The following PBX3 variants were observed in gnomAD, a reference collection of about 807,000 sequenced individuals.
PBX3 encodes pre-B-cell leukemia transcription factor 3.
A neutral mutation model predicts 48.5 loss-of-function variants in PBX3; 14 were observed. The observed-to-expected ratio is 0.29, with a 90% CI of 0.19 to 0.45. PBX3 has a LOEUF of 0.45. Ranked by LOEUF, PBX3 falls within the 20% of genes least tolerant of loss-of-function variation. The pLI, the probability that PBX3 is intolerant of heterozygous loss-of-function variation, is 1.00. For synonymous variants in PBX3, 210 were observed against 200.3 expected, an observed-to-expected ratio of 1.05 and a Z score of -0.41; for missense variants, 386 against 546.7, an observed-to-expected ratio of 0.71 and a Z score of 2.93.
At chr9:125,780,437 C>T (rs1274129973) in intron 2 of PBX3, among the ~76,000 whole-genome samples, 1 of 126,412 alleles carries the variant, frequency 7.9e-6, no homozygotes. Flanking sequence ...ACCTCCCTCC[C>T]AGACGGGGCG....
At chr9:125,775,980 G>A (rs1370570881) in intron 2 of PBX3, among the ~76,000 whole-genome samples, 2 of 152,166 alleles carry the variant, frequency 1.3e-5, no homozygotes, top group Non-Finnish European at 2.9e-5. Context: ...GACTCTAGCA[G>A]GTTTTTTGGT....
At chr9:125,756,131 A>G (rs1050283910) in intron 2 of PBX3, among the ~76,000 whole-genome samples, 4 of 152,150 alleles carry the variant, frequency 2.6e-5, no homozygotes, top group Non-Finnish European at 5.9e-5. Flanking sequence ...ACTTGAATCC[A>G]TAAAAGCTGT....
chr9:125,887,953 A>G (rs1235778392), intron 2 of PBX3, among the ~76,000 whole-genome samples: 1 of 152,180 alleles, frequency 6.6e-6, no homozygotes, highest in Non-Finnish European at 1.5e-5. Context: ...GTGAATTCTC[A>G]TTTCTTAAGT....
intron 2 of PBX3, among the ~76,000 whole-genome samples, chr9:125,802,673 CA>C (rs1230200412): frequency 1.4e-5 from 1 of 72,008 alleles, no homozygotes; most frequent in African/African-American, 7.3e-5. Context: ...CTGGCCAATA[CA>C]TTTTTTTTTT....
At chr9:125,757,477 T>G (rs2131965031) in intron 2 of PBX3, among the ~76,000 whole-genome samples, 1 of 152,310 alleles carries the variant, frequency 6.6e-6, no homozygotes, top group East Asian at 1.9e-4. Flanking sequence ...TTGGTCCAGA[T>G]TATTTATAAT....
In PBX3 at chr9:125,787,024, C is replaced by G. The variant is rs533623024; in HGVS notation, c.274+38401C>G. On this transcript the variant is annotated intron_variant, in intron 2 of 8. Coordinates refer to ENST00000373489, the MANE Select transcript of PBX3 (RefSeq NM_006195.6). ...ACAGGCATGAGCCACTGTGTCTAGCCTATTTTTAGTTTTTATTTATTTTTT... is the reference window on the plus strand; with the variant it reads ...ACAGGCATGAGCCACTGTGTCTAGCGTATTTTTAGTTTTTATTTATTTTTT... Among the ~76,000 whole-genome samples, 4 of 152,022 alleles carry G rather than the reference C, an allele frequency of 2.6e-5. No individual in the cohort carries two copies. In the East Asian group the frequency reaches 5.8e-4, roughly 22 times the overall value.
At position 125,962,939 on chromosome 9, in the gene PBX3, A is replaced by G; in HGVS notation, c.1123-73A>G. 2 of 760,378 alleles carry G rather than the reference A, an allele frequency of 2.6e-6. 1 individual carries two copies. The highest frequency in any genetic ancestry group is 5.3e-5 in the East Asian group (2 of 37,722). The allele number at this position is 760,378 out of a possible 1,614,324, so 47.1% of individuals were successfully genotyped here. On this transcript the variant is annotated intron_variant, in intron 7 of 8. Coordinates refer to ENST00000373489, the MANE Select transcript of PBX3 (RefSeq NM_006195.6). Reference sequence around the variant, plus strand: ...AAACCCTTGTGGCACACATAATTCAAATTATTTCCTTTTGTAAGTGATGAC... The same window carrying G: ...AAACCCTTGTGGCACACATAATTCAGATTATTTCCTTTTGTAAGTGATGAC...
rs531498104 is a variant in PBX3 at position 125,874,277 on chromosome 9, T to C, written c.275-41409T>C. 9.8e-5 allele frequency among the ~76,000 whole-genome samples: 15 copies of C among 152,312 alleles called. No homozygotes were observed. In the South Asian group the frequency reaches 3.1e-3, roughly 32 times the overall value. On this transcript the variant is annotated intron_variant, in intron 2 of 8. Coordinates refer to ENST00000373489, the MANE Select transcript of PBX3 (RefSeq NM_006195.6). ...TTCTAAACATTCAATGAATTGATAA[T>C]TTCAATTTTACACAAATTATATACC...
chr9:125,811,832 T>G (rs1190459254), intron 2 of PBX3, among the ~76,000 whole-genome samples: 1 of 152,208 alleles, frequency 6.6e-6, no homozygotes, highest in Non-Finnish European at 1.5e-5. Flanking sequence ...ATGGGGGCTC[T>G]GTCCTCATGA....
chr9:125,957,319 A>G (rs1842331496), intron 5 of PBX3, among the ~76,000 whole-genome samples: 1 of 152,258 alleles, frequency 6.6e-6, no homozygotes. Flanking sequence ...AACAGTGCCC[A>G]CAGTAGCTTC....
At chr9:125,826,317 G>C (rs953763530) in intron 2 of PBX3, among the ~76,000 whole-genome samples, 3 of 151,938 alleles carry the variant, frequency 2.0e-5, no homozygotes, top group African/African-American at 7.3e-5. Context: ...TTGATTATTT[G>C]TCACAAATGA....
intron 2 of PBX3, among the ~76,000 whole-genome samples, chr9:125,853,021 T>A (rs1467102514): frequency 6.6e-6 from 1 of 152,052 alleles, no homozygotes; most frequent in Non-Finnish European, 1.5e-5. Flanking sequence ...TCTCTCTCAG[T>A]GTCTAAAAAC....
At chr9:125,891,955 C>G (rs1172907950) in intron 2 of PBX3, among the ~76,000 whole-genome samples, 1 of 152,186 alleles carries the variant, frequency 6.6e-6, no homozygotes, top group South Asian at 2.1e-4. Context: ...GAGTCTCACT[C>G]TGTCCCCAAG....
At chr9:125,907,055 AT>A (rs139983738) in intron 2 of PBX3, among the ~76,000 whole-genome samples, 5,810 of 152,094 alleles carry the variant, frequency 0.038, 392 homozygotes, top group African/African-American at 0.13. Flanking sequence ...ACCACTAATA[AT>A]GAGCAACTAT....
At chr9:125,951,112 A>C (rs1468500752) in intron 5 of PBX3, among the ~76,000 whole-genome samples, 2 of 152,172 alleles carry the variant, frequency 1.3e-5, no homozygotes, top group Non-Finnish European at 2.9e-5. Context: ...GAGATAATAC[A>C]TGCAAAGTTC....
intron 2 of PBX3, among the ~76,000 whole-genome samples, chr9:125,803,956 G>T (rs556999647): frequency 6.6e-6 from 1 of 152,198 alleles, no homozygotes; most frequent in East Asian, 1.9e-4. Flanking sequence ...GTCGTAAAAG[G>T]TGAATAACTG....
chr9:125,780,978 C>G (rs1410940532), intron 2 of PBX3, among the ~76,000 whole-genome samples: 5 of 102,890 alleles, frequency 4.9e-5, no homozygotes, highest in African/African-American at 1.3e-4. Context: ...CGGGCAGAGG[C>G]GCTCCTCACT....
At chr9:125,843,795 A>T (rs775898265) in intron 2 of PBX3, 1 of 455,762 alleles carries the variant, frequency 2.2e-6, no homozygotes, top group Non-Finnish European at 4.4e-6. Flanking sequence ...TGCTGAGAGA[A>T]CGTCTGGGAG....
At chr9:125,804,947 TAAAAA>T (rs547253775) in intron 2 of PBX3, among the ~76,000 whole-genome samples, 2 of 53,516 alleles carry the variant, frequency 3.7e-5, no homozygotes, top group Admixed American at 2.1e-4. Flanking sequence ...GGCTCTGTCT[TAAAAA>T]AAAAAAAAAA....
Sources: gnomAD v4.1 joint callset for allele counts (sites outside exome capture counted in the v4.1 genomes callset) on GRCh38, gnomAD v4.1.1 for gene constraint, MANE v1.5 for transcripts, NCBI Gene and HGNC (gene_info 2026-07-23, HGNC 2026-07-21) for gene names.